IL33: variants seen among roughly 807,000 people sequenced by gnomAD.
The protein encoded by IL33 is interleukin-33.
IL33 carries 37 observed loss-of-function variants against 27.3 expected under a neutral mutation model. That is an observed-to-expected ratio of 1.36 (90% CI 1.04 to 1.78). IL33 has a LOEUF of 1.78. Among genes scored for constraint, IL33 ranks in the 40% most tolerant of loss-of-function variants. The pLI, the probability that IL33 is intolerant of heterozygous loss-of-function variation, is 0.00. For synonymous variants in IL33, 132 were observed against 102.9 expected, an observed-to-expected ratio of 1.28 and a Z score of -1.71; for missense variants, 406 against 311.4, an observed-to-expected ratio of 1.30 and a Z score of -2.29.
intron 1 of IL33, among the ~76,000 whole-genome samples, chr9:6,226,450 T>C (rs181040428): frequency 2.4e-4 from 37 of 152,248 alleles, no homozygotes; most frequent in South Asian, 6.2e-4. Flanking sequence ...CATCTCCTTC[T>C]ACCATTCCAA....
intron 4 of IL33, among the ~76,000 whole-genome samples, chr9:6,251,763 G>C (rs1331191186): frequency 6.6e-6 from 1 of 151,516 alleles, no homozygotes; most frequent in African/African-American, 2.4e-5. Flanking sequence ...AACTTGGCCA[G>C]GTGTGGTGGC....
intron 1 of IL33, among the ~76,000 whole-genome samples, chr9:6,220,305 G>C (rs1818354789): frequency 6.6e-6 from 1 of 152,164 alleles, no homozygotes; most frequent in Non-Finnish European, 1.5e-5. Flanking sequence ...CCATATTAGT[G>C]CATCTGAGAC....
intron 2 of IL33, among the ~76,000 whole-genome samples, chr9:6,248,281 T>C: frequency 6.9e-6 from 1 of 145,178 alleles, no homozygotes; most frequent in South Asian, 2.2e-4. Flanking sequence ...AGTCTCGCTC[T>C]GTCGCCAGAC....
At chr9:6,237,588 T>C (rs1219785396) in intron 1 of IL33, among the ~76,000 whole-genome samples, 2 of 152,188 alleles carry the variant, frequency 1.3e-5, no homozygotes, top group Non-Finnish European at 2.9e-5. Flanking sequence ...TGAGATCAAA[T>C]AACTACTGAA....
intron 6 of IL33, 62 bp from the exon 7 acceptor site, chr9:6,254,400 T>C: frequency 9.5e-7 from 1 of 1,049,526 alleles, no homozygotes. Flanking sequence ...GGTGTTGAAT[T>C]CATTTAAATA....
intron 2 of IL33, among the ~76,000 whole-genome samples, 159 bp downstream of exon 2, chr9:6,241,944 C>T (rs1819551636): frequency 6.6e-6 from 1 of 152,200 alleles, no homozygotes; most frequent in Non-Finnish European, 1.5e-5. Flanking sequence ...ATACAGCAGA[C>T]TGGTTTTGAA....
chr9:6,248,702 G>C (rs1017372832), intron 2 of IL33, among the ~76,000 whole-genome samples: 1 of 151,688 alleles, frequency 6.6e-6, no homozygotes, highest in South Asian at 2.1e-4. Flanking sequence ...AGCCTCCCAA[G>C]TTGCTGAGAC....
intron 4 of IL33, among the ~76,000 whole-genome samples, 180 bp downstream of exon 4, chr9:6,251,445 T>A (rs1816352050): frequency 6.6e-6 from 1 of 152,142 alleles, no homozygotes; most frequent in Non-Finnish European, 1.5e-5. Context: ...AGGTAGCTGT[T>A]CTAATAATGT....
intron 2 of IL33, among the ~76,000 whole-genome samples, chr9:6,247,098 G>A (rs150734101): frequency 1.3e-4 from 20 of 152,298 alleles, no homozygotes; most frequent in African/African-American, 4.1e-4. Context: ...ACAGTTTGGG[G>A]AGTCATCAGC....
chr9:6,253,086 T>A, intron 5 of IL33, 95 bp downstream of exon 5: 1 of 878,256 alleles, frequency 1.1e-6, no homozygotes, highest in Non-Finnish European at 1.7e-6. Flanking sequence ...TGGATTAACT[T>A]AGACATGGCA....
At chr9:6,238,603 A>G (rs1819361559) in intron 1 of IL33, among the ~76,000 whole-genome samples, 1 of 152,192 alleles carries the variant, frequency 6.6e-6, no homozygotes, top group African/African-American at 2.4e-5. Flanking sequence ...CCTCTAATCC[A>G]AGAACTCAAT....
intron 1 of IL33, among the ~76,000 whole-genome samples, chr9:6,234,033 G>A (rs1246638673): frequency 1.3e-5 from 2 of 152,108 alleles, no homozygotes; most frequent in Non-Finnish European, 2.9e-5. Flanking sequence ...TTCTCTCTTA[G>A]CCTTCATAAT....
chr9:6,238,172 C>A (rs997108359), intron 1 of IL33, among the ~76,000 whole-genome samples: 1 of 152,094 alleles, frequency 6.6e-6, no homozygotes, highest in African/African-American at 2.4e-5. Flanking sequence ...AGATGGAAGT[C>A]AGGAGGCTAG....
At chr9:6,233,184 A>T (rs778240149) in intron 1 of IL33, among the ~76,000 whole-genome samples, 3 of 152,162 alleles carry the variant, frequency 2.0e-5, no homozygotes, top group Non-Finnish European at 4.4e-5. Flanking sequence ...TCTTTTTTAT[A>T]TTCTCTAAGG....
intron 1 of IL33, among the ~76,000 whole-genome samples, chr9:6,240,733 T>TA (rs1819480055): frequency 6.6e-6 from 1 of 152,144 alleles, no homozygotes; most frequent in African/African-American, 2.4e-5. Context: ...ACTGTACACT[T>TA]AGACTACACT....
At chr9:6,252,651 C>T (rs1326448711) in intron 4 of IL33, among the ~76,000 whole-genome samples, 1 of 152,168 alleles carries the variant, frequency 6.6e-6, no homozygotes, top group African/African-American at 2.4e-5. Context: ...CATGGCCTCC[C>T]AGGGCCTTCA....
At position 6,256,196 on chromosome 9, in the gene IL33, G is replaced by C; in HGVS notation, c.*28G>C. 1.3e-6 allele frequency: 2 copies of C among 1,521,924 alleles called. No homozygotes were observed. The highest frequency in any genetic ancestry group is 9.1e-7 in the Non-Finnish European group (1 of 1,098,062). 94.3% of individuals were successfully genotyped at this position (1,521,924 alleles called of 1,614,324 possible). ...GATGGAAACCTGTGAGTCTTGGGTTGAGTACCCAAATGCTACCACTGGAGA... is the reference window on the plus strand; with the variant it reads ...GATGGAAACCTGTGAGTCTTGGGTTCAGTACCCAAATGCTACCACTGGAGA... On this transcript the variant is annotated 3_prime_UTR_variant, in exon 8 of 8. Coordinates refer to ENST00000682010, the MANE Select transcript of IL33 (RefSeq NM_033439.4).
chr9:6,233,897 C>T (rs144880909), intron 1 of IL33, among the ~76,000 whole-genome samples: 47 of 152,300 alleles, frequency 3.1e-4, no homozygotes, highest in South Asian at 1.9e-3. Context: ...CTTCTCCACT[C>T]TGCGCAGTCC....
chr9:6,224,035 G>A (rs1818524837), intron 1 of IL33, among the ~76,000 whole-genome samples: 1 of 152,180 alleles, frequency 6.6e-6, no homozygotes, highest in African/African-American at 2.4e-5. Flanking sequence ...GGAGAAAAAT[G>A]TTCCCAGAAG....
Sources: allele counts gnomAD v4.1 joint callset (sites outside exome capture counted in the v4.1 genomes callset), GRCh38; gene constraint gnomAD v4.1.1; transcripts MANE v1.5; gene names NCBI Gene and HGNC (gene_info 2026-07-23, HGNC 2026-07-21).